Variants in NRXN2 observed in about 807,000 individuals in gnomAD.
NRXN2 encodes the protein neurexin 2, also known as neurexin-2-beta.
NRXN2 carries 29 observed loss-of-function variants against 128.8 expected under a neutral mutation model. The observed-to-expected ratio is 0.23, with a 90% CI of 0.17 to 0.31. The LOEUF (loss-of-function observed/expected upper bound fraction) is 0.31. Among genes scored for constraint, NRXN2 ranks in the 10% least tolerant of loss-of-function variants. NRXN2 has a pLI of 1.00. For missense variants in NRXN2, 1,881 were observed against 2,452.6 expected, an observed-to-expected ratio of 0.77 and a Z score of 4.92; for synonymous variants, 1,098 against 1,075.2, an observed-to-expected ratio of 1.02 and a Z score of -0.41.
At chr11:64,657,217 A>G (rs1208674401) in intron 11 of NRXN2, among the ~76,000 whole-genome samples, 2 of 152,168 alleles carry the variant, frequency 1.3e-5, no homozygotes, top group African/African-American at 4.8e-5. Context: ...CTGGGGAGCA[A>G]GCAATGGGGG....
Position 64,660,359 on chromosome 11 carries a change from C to T in NRXN2, c.2362G>A (p.Gly788Arg), listed in dbSNP as rs1591893490. The T allele has an allele frequency of 1.2e-6, 2 of 1,613,968 alleles. No homozygotes were observed. Among genetic ancestry groups the T allele is most frequent in the Non-Finnish European group, 1.7e-6 (2 of 1,180,010 alleles). ...ADTLRLELDG[G>R]QMKLTVNLDC... ...AGGTTGACAGTGAGCTTCATCTGCCCCCCATCCAGCTCCAGGCGTAGGGTG... is the reference window on the plus strand; with the variant it reads ...AGGTTGACAGTGAGCTTCATCTGCCTCCCATCCAGCTCCAGGCGTAGGGTG... The change falls in exon 11 of 23, where the codon GGG becomes AGG. Residue 788 changes from glycine (G) to arginine (R), a missense_variant. This residue lies in a region of NRXN2 where 997 missense variants were observed against 1,240.8 expected (regional missense o/e 0.80). Transcript: ENST00000265459. The surrounding 1 kb of genome is among the most constrained non-coding windows in gnomAD (Gnocchi z 5.2).
At position 64,632,999 on chromosome 11, in the gene NRXN2, G is replaced by A. The variant is rs1320565435; in HGVS notation, c.3585+2272C>T. Among the ~76,000 whole-genome samples, 1 of 152,126 alleles carries A rather than the reference G, an allele frequency of 6.6e-6. No individual in the cohort carries two copies. The highest frequency in any genetic ancestry group is 1.5e-5 in the Non-Finnish European group (1 of 67,992). ...GGAAGGGGTTTGGGGGCTGCCCCCAGGGGGCCTCAGCCCATCTGGTGCCCA... is the reference window on the plus strand; with the variant it reads ...GGAAGGGGTTTGGGGGCTGCCCCCAAGGGGCCTCAGCCCATCTGGTGCCCA... On this transcript the variant is annotated intron_variant, in intron 18 of 22. Coordinates refer to ENST00000265459, the MANE Select transcript of NRXN2 (RefSeq NM_015080.4). The surrounding 1 kb of genome is among the most constrained non-coding windows in gnomAD (Gnocchi z 4.2).
At position 64,660,837 on chromosome 11, in the gene NRXN2, T is replaced by C. The variant is rs1442394941; in HGVS notation, c.2101A>G (p.Asn701Asp). 1.2e-6 allele frequency: 2 copies of C among 1,613,968 alleles called. No homozygotes were observed. Among genetic ancestry groups the C allele is most frequent in the South Asian group, 2.2e-5 (2 of 91,082 alleles). ...LKQCASAPCR[N>D]GGVCREGWNR... ...CAGCCTTCTCGACAGACGCCCCCAT[T>C]GCGACAGGGGGCAGATGCACACTGC... The change falls in exon 10 of 23, where the codon AAT becomes GAT. Residue 701 changes from asparagine (N) to aspartate (D), a missense_variant. Transcript: ENST00000265459. The surrounding 1 kb of genome is among the most constrained non-coding windows in gnomAD (Gnocchi z 5.2).
chr11:64,707,555 G>GT (rs961202012), intron 2 of NRXN2, among the ~76,000 whole-genome samples: 18 of 152,104 alleles, frequency 1.2e-4, no homozygotes, highest in Non-Finnish European at 2.5e-4. Context: ...CTATTGTGCT[G>GT]TTTTTTTGCT....
chr11:64,607,894 G>A lies in NRXN2; in HGVS notation c.4441C>T (p.Arg1481Trp), dbSNP rs372469010. The A allele has an allele frequency of 3.8e-6, 6 of 1,571,500 alleles. No homozygotes were observed. Among genetic ancestry groups the A allele is most frequent in the Non-Finnish European group, 5.2e-6 (6 of 1,159,516 alleles). The change falls in exon 23 of 23, where the codon CGG becomes TGG. Residue 1481 changes from arginine (R) to tryptophan (W), a missense_variant. By Grantham distance (101) the Arg-to-Trp change is moderately radical. This residue lies in a region of NRXN2 where 310 missense variants were observed against 318.2 expected (regional missense o/e 0.97). Coordinates refer to ENST00000265459, the MANE Select transcript of NRXN2 (RefSeq NM_015080.4). ...PPSGGPCQAE[R>W]DDSDCEEPIE... is the part of the protein sequence containing the mutation. ...GGCTCCTCGCAGTCGCTGTCGTCCC[G>A]CTCGGCCTGGCACGGGCCCCCAGAG...
At chr11:64,665,106 C>T (rs2049632038) in intron 9 of NRXN2, among the ~76,000 whole-genome samples, 1 of 151,672 alleles carries the variant, frequency 6.6e-6, no homozygotes, top group East Asian at 1.9e-4. Flanking sequence ...CATGGTAAAC[C>T]CCCATCTCTA....
At chr11:64,677,436 C>G (rs1333418051) in intron 6 of NRXN2, among the ~76,000 whole-genome samples, 2 of 151,388 alleles carry the variant, frequency 1.3e-5, no homozygotes, top group Non-Finnish European at 2.9e-5. Flanking sequence ...AACAAAAGAA[C>G]TGGACCAAGA....
chr11:64,629,121 A>G (rs902273816), intron 19 of NRXN2, among the ~76,000 whole-genome samples: 13 of 152,136 alleles, frequency 8.5e-5, no homozygotes, highest in African/African-American at 2.9e-4. Context: ...AAGTTTACAC[A>G]TTGGCCTTTT....
At chr11:64,672,753 G>C (rs1445220454) in intron 7 of NRXN2, among the ~76,000 whole-genome samples, 1 of 152,142 alleles carries the variant, frequency 6.6e-6, no homozygotes, top group African/African-American at 2.4e-5. Context: ...GTAAGGTACT[G>C]CAAGTCCTGC....
chr11:64,618,609 G>T (rs904287604), intron 22 of NRXN2, among the ~76,000 whole-genome samples: 4 of 152,156 alleles, frequency 2.6e-5, no homozygotes, highest in East Asian at 1.9e-4. Flanking sequence ...AGGGCAGGGG[G>T]TACTGTGTGT....
Position 64,648,277 on chromosome 11 carries a change from C to G in NRXN2, c.3345G>C (p.Trp1115Cys). 6.2e-7 allele frequency: 1 copy of G among 1,614,226 alleles called. No homozygotes were observed. Among genetic ancestry groups the G allele is most frequent in the African/African-American group, 1.3e-5 (1 of 75,054 alleles). Reference protein sequence around the residue: ...CANQGVCLQQWDGFTCDCTMT... With the variant: ...CANQGVCLQQCDGFTCDCTMT... Reference sequence around the variant, plus strand: ...TGGTGCAGTCGCAGGTGAAGCCATCCCACTGCTGCAAGCAGACGCCCTGGT... The same window carrying G: ...TGGTGCAGTCGCAGGTGAAGCCATCGCACTGCTGCAAGCAGACGCCCTGGT... Residue 1115 changes from tryptophan to cysteine, a missense_variant, in exon 17 of 23, where the codon TGG (tryptophan) becomes TGC (cysteine). Coordinates refer to ENST00000265459, the MANE Select transcript of NRXN2 (RefSeq NM_015080.4). This position sits in a 1 kb window ranked among gnomAD's most constrained non-coding sequence, Gnocchi z 4.1.
chr11:64,667,544 C>T lies in NRXN2; in HGVS notation c.1504G>A (p.Ala502Thr), dbSNP rs976902764. 5.0e-6 allele frequency: 8 copies of T among 1,614,086 alleles called. No homozygotes were observed. The highest frequency in any genetic ancestry group is 3.3e-5 in the Admixed American group (2 of 60,008). The change falls in exon 9 of 23, where the codon GCC becomes ACC. Residue 502 changes from alanine to threonine, a missense_variant. Transcript: ENST00000265459. The surrounding 1 kb of genome is among the most constrained non-coding windows in gnomAD (Gnocchi z 5.6). ...CTCCAGCGGGGCAGCGCCACAAAGGCCTCGGGACTCTCAAAGGTCACAGGG... is the reference window on the plus strand; with the variant it reads ...CTCCAGCGGGGCAGCGCCACAAAGGTCTCGGGACTCTCAAAGGTCACAGGG... ...LDPVTFESPEAFVALPRWSAK... is the reference protein window; with the variant it reads ...LDPVTFESPETFVALPRWSAK...
Position 64,653,713 on chromosome 11 carries a change from C to T in NRXN2, c.2399G>A (p.Arg800His), listed in dbSNP as rs376656706. 1.2e-4 allele frequency: 184 copies of T among 1,594,942 alleles called. No homozygotes were observed. Among genetic ancestry groups the T allele is most frequent in the Admixed American group, 2.7e-4 (15 of 56,322 alleles). Reference protein sequence around the residue: ...MKLTVNLDCLRVGCAPSKGPE... With the variant: ...MKLTVNLDCLHVGCAPSKGPE... The stretch of plus-strand genomic sequence containing the variant: ...CCACTTACTGGGTGCGCAGCCGACG[C>T]GCAGGCAGTCTGGGGGGGCCATGGG... Residue 800 changes from arginine (R) to histidine (H), a missense_variant, in exon 12 of 23, where the codon CGC (arginine) becomes CAC (histidine). By Grantham distance (29) the Arg-to-His change is conservative. This residue lies in a region of NRXN2 where 997 missense variants were observed against 1,240.8 expected (regional missense o/e 0.80). Coordinates refer to ENST00000265459, the MANE Select transcript of NRXN2 (RefSeq NM_015080.4).
chr11:64,613,505 G>A (rs1359504507), intron 22 of NRXN2, among the ~76,000 whole-genome samples: 6 of 152,312 alleles, frequency 3.9e-5, no homozygotes, highest in Admixed American at 1.3e-4. Flanking sequence ...GGCACTGCCC[G>A]TACCAGTGCC....
intron 1 of NRXN2, among the ~76,000 whole-genome samples, chr11:64,717,213 C>T (rs945255240): frequency 1.3e-5 from 2 of 152,228 alleles, no homozygotes; most frequent in Non-Finnish European, 2.9e-5. Context: ...GCACCCACAG[C>T]GTCCAAGTAC....
chr11:64,688,627 C>T (rs518053), intron 5 of NRXN2: 655,367 of 985,196 alleles, frequency 0.67, 228,974 homozygotes, highest in Non-Finnish European at 0.71. Flanking sequence ...CAACTCCCAG[C>T]AGCGCTTGCA....
intron 1 of NRXN2, among the ~76,000 whole-genome samples, chr11:64,722,046 C>A (rs2057446955): frequency 1.3e-5 from 2 of 152,080 alleles, no homozygotes; most frequent in African/African-American, 2.4e-5. Context: ...CCCAAAAGCC[C>A]ATCAAGGGTT....
chr11:64,706,949 C>A (rs1459917128), intron 2 of NRXN2, among the ~76,000 whole-genome samples: 1 of 132,306 alleles, frequency 7.6e-6, no homozygotes, highest in Non-Finnish European at 1.7e-5. Context: ...CATGTGTATC[C>A]CCATTTTTTT....
At chr11:64,677,173 T>C (rs1024895658) in intron 6 of NRXN2, 136 bp from the exon 7 acceptor site, 3 of 603,682 alleles carry the variant, frequency 5.0e-6, no homozygotes, top group African/African-American at 3.7e-5. Context: ...GAGGAAAAAA[T>C]ATATATCCAT....
Sources: allele counts gnomAD v4.1 joint callset (sites outside exome capture counted in the v4.1 genomes callset), GRCh38; gene constraint gnomAD v4.1.1; regional missense constraint gnomAD v4.1.1; non-coding constraint Gnocchi (gnomAD v3.1); transcripts MANE v1.5; gene names NCBI Gene and HGNC (gene_info 2026-07-23, HGNC 2026-07-21).